The following PHLDB2 variants were observed in gnomAD, a reference collection of about 807,000 sequenced individuals.
PHLDB2 encodes the protein pleckstrin homology like domain family B member 2.
In PHLDB2, 71 loss-of-function variants were observed where a neutral mutation model predicts 123.6. The ratio of observed to expected loss-of-function variants is 0.57; its 90% CI spans 0.47 to 0.70. PHLDB2 has a LOEUF of 0.70. PHLDB2 is among the 30% of genes least tolerant of loss of function. The pLI, the probability that PHLDB2 is intolerant of heterozygous loss-of-function variation, is 0.00. For missense variants in PHLDB2, 1,446 were observed against 1,519.5 expected (o/e 0.95, Z 0.80); for synonymous variants, 547 against 541.6 (o/e 1.01, Z -0.14).
At chr3:111,804,905 C>T (rs1254025249) in intron 1 of PHLDB2, among the ~76,000 whole-genome samples, 3 of 151,932 alleles carry the variant, frequency 2.0e-5, no homozygotes, top group Non-Finnish European at 2.9e-5. Flanking sequence ...AACAATAGAA[C>T]AATATCAAGT....
At chr3:111,821,734 A>G (rs2062393808) in intron 1 of PHLDB2, among the ~76,000 whole-genome samples, 1 of 152,224 alleles carries the variant, frequency 6.6e-6, no homozygotes, top group Non-Finnish European at 1.5e-5. Context: ...AAAATTAACC[A>G]TCACCAGCTC....
At chr3:111,767,340 G>A (rs558698252) in intron 1 of PHLDB2, among the ~76,000 whole-genome samples, 2 of 152,310 alleles carry the variant, frequency 1.3e-5, no homozygotes, top group African/African-American at 2.4e-5. Flanking sequence ...AACCCTTCAT[G>A]TCAGTGAAAA....
intron 1 of PHLDB2, among the ~76,000 whole-genome samples, chr3:111,818,854 G>A (rs924427744): frequency 6.6e-6 from 1 of 151,916 alleles, no homozygotes; most frequent in Non-Finnish European, 1.5e-5. Flanking sequence ...CCTCAAGGTT[G>A]GTTTCATTCC....
Position 111,779,860 on chromosome 3 carries a change from T to C in PHLDB2, c.-49+47157T>C, listed in dbSNP as rs150795861. ...TCTCTGGCCATCCTCTATATGGAAA[T>C]ACTTAGGGTAAGTAGTCAATCAGCC... On this transcript the variant is annotated intron_variant, in intron 1 of 17. Coordinates refer to the PHLDB2 transcript ENST00000393923. 393 of 984,518 alleles carry C rather than the reference T, an allele frequency of 4.0e-4. 1 individual carries two copies. In the African/African-American group the frequency reaches 6.3e-3, roughly 16 times the overall value. The allele number at this position is 984,518 out of a possible 1,614,324, so 61.0% of individuals were successfully genotyped here.
intron 15 of PHLDB2, among the ~76,000 whole-genome samples, chr3:111,969,167 C>T (rs1017901387): frequency 5.9e-5 from 9 of 152,164 alleles, no homozygotes; most frequent in South Asian, 2.1e-4. Flanking sequence ...AAATCTCTGC[C>T]TTCAATTTCT....
Position 111,939,371 on chromosome 3 carries a change from C to T in PHLDB2, c.2131-104C>T, listed in dbSNP as rs933538226. ...GTTCTAACCCTGGTCAATATTGTAA[C>T]TGGAAAGATATCTTGGACCAACTGC... On this transcript the variant is annotated intron_variant, in intron 6 of 17. Coordinates refer to ENST00000431670, the MANE Select transcript of PHLDB2 (RefSeq NM_001134438.2). 2.3e-5 allele frequency: 27 copies of T among 1,194,114 alleles called. No homozygotes were observed. The East Asian group carries it at 5.7e-4, about 25-fold the overall frequency. 74.0% of individuals were successfully genotyped at this position (1,194,114 alleles called of 1,614,324 possible). A position where few individuals can be genotyped will look rare whatever the true frequency, so the allele number is the denominator to read the frequency against.
In PHLDB2 at chr3:111,945,160, G is replaced by A. The variant is rs190099661; in HGVS notation, c.2398-108G>A. Reference sequence around the variant, plus strand: ...GAGTATGATGAGAGGAAATAGAAATGGGGGAAATATGTGAGAATCTGATGT... The same window carrying A: ...GAGTATGATGAGAGGAAATAGAAATAGGGGAAATATGTGAGAATCTGATGT... On this transcript the variant is annotated intron_variant, in intron 8 of 17. Transcript: ENST00000431670. 1,251 of 747,854 alleles carry A rather than the reference G, an allele frequency of 1.7e-3. 13 individuals are homozygous for A. The highest frequency in any genetic ancestry group is 0.012 in the South Asian group (674 of 57,824). The allele number at this position is 747,854 out of a possible 1,614,324, so 46.3% of individuals were successfully genotyped here.
intron 1 of PHLDB2, among the ~76,000 whole-genome samples, chr3:111,870,164 A>G (rs767536019): frequency 2.6e-5 from 4 of 152,308 alleles, no homozygotes; most frequent in Middle Eastern, 3.4e-3. Context: ...CTAAGGAGAC[A>G]GGTATTGAGA....
chr3:111,889,831 C>T (rs1458964302), intron 2 of PHLDB2, among the ~76,000 whole-genome samples: 3 of 152,082 alleles, frequency 2.0e-5, no homozygotes, highest in African/African-American at 7.2e-5. Flanking sequence ...GAACAGTAGG[C>T]CTTCTCTGTT....
intron 1 of PHLDB2, among the ~76,000 whole-genome samples, chr3:111,780,382 G>C (rs1299127433): frequency 6.7e-5 from 3 of 44,674 alleles, no homozygotes; most frequent in Admixed American, 5.9e-4. Flanking sequence ...AGAAGAAGAA[G>C]AAGAAGAAGA....
At chr3:111,746,694 A>G (rs1244206947) in intron 1 of PHLDB2, among the ~76,000 whole-genome samples, 1 of 152,200 alleles carries the variant, frequency 6.6e-6, no homozygotes, top group East Asian at 1.9e-4. Context: ...GAGTTCTTCC[A>G]GGAGTTCAAG....
intron 1 of PHLDB2, among the ~76,000 whole-genome samples, chr3:111,828,369 GTCTA>G (rs1230133740): frequency 2.6e-5 from 4 of 152,184 alleles, no homozygotes; most frequent in Non-Finnish European, 2.9e-5. Context: ...GGAACTTCCA[GTCTA>G]TCTGTCAATG....
chr3:111,866,014 A>ATTTTTTTTTTTT lies in PHLDB2; in HGVS notation c.-15+6451_-15+6462dup, dbSNP rs61038523. Among the ~76,000 whole-genome samples, 417 of 57,408 alleles carry ATTTTTTTTTTTT rather than the reference A, an allele frequency of 7.3e-3. 75 individuals are homozygous for ATTTTTTTTTTTT. Among genetic ancestry groups the ATTTTTTTTTTTT allele is most frequent in the African/African-American group, 0.013 (186 of 14,590 alleles). 37.7% of individuals were successfully genotyped at this position (57,408 alleles called of 152,430 possible). ...TTTTAGAAACCTACCCCACCCACTC[A>ATTTTTTTTTTTT]TTTTTTTTTTTTTTTTTTTTTTTTG... On this transcript the variant is annotated intron_variant, in intron 1 of 17. Coordinates refer to ENST00000431670, the MANE Select transcript of PHLDB2 (RefSeq NM_001134438.2).
intron 2 of PHLDB2, among the ~76,000 whole-genome samples, chr3:111,853,496 G>A (rs2064349447): frequency 6.6e-6 from 1 of 152,194 alleles, no homozygotes; most frequent in Admixed American, 6.5e-5. Flanking sequence ...GGCAAACGTG[G>A]TTGGAAACTA....
intron 1 of PHLDB2, among the ~76,000 whole-genome samples, chr3:111,842,815 A>G (rs1576850958): frequency 6.6e-6 from 1 of 152,196 alleles, no homozygotes; most frequent in East Asian, 1.9e-4. Flanking sequence ...CTGTCTCTAT[A>G]GATTTAACTA....
Position 111,949,087 on chromosome 3 carries a change from T to C in PHLDB2, c.2631+12T>C. ...CACAGAGTAAAGAGGTGTGTAGGCA[T>C]GACGTTTCATTCATTCACTGCTTTT... On this transcript the variant is annotated intron_variant, in intron 10 of 17. Coordinates refer to ENST00000431670, the MANE Select transcript of PHLDB2 (RefSeq NM_001134438.2). 1 of 1,612,750 alleles carries C rather than the reference T, an allele frequency of 6.2e-7. No homozygotes were observed.
intron 12 of PHLDB2, among the ~76,000 whole-genome samples, chr3:111,955,041 T>C (rs1037229169): frequency 9.3e-5 from 14 of 149,930 alleles, no homozygotes; most frequent in African/African-American, 1.7e-4. Context: ...AATATATATA[T>C]ACACACACAC....
At chr3:111,765,726 T>C (rs1284578434) in intron 1 of PHLDB2, among the ~76,000 whole-genome samples, 1 of 152,202 alleles carries the variant, frequency 6.6e-6, no homozygotes, top group Admixed American at 6.5e-5. Context: ...GAAGTGAAGA[T>C]TGGAACTAGG....
chr3:111,866,511 A>G (rs1172939484), intron 1 of PHLDB2, among the ~76,000 whole-genome samples: 1 of 151,810 alleles, frequency 6.6e-6, no homozygotes, highest in Non-Finnish European at 1.5e-5. Flanking sequence ...ATTAAATATT[A>G]CTCTTAAGGG....
Sources: allele counts gnomAD v4.1 joint callset (sites outside exome capture counted in the v4.1 genomes callset), GRCh38; gene constraint gnomAD v4.1.1; transcripts MANE v1.5; gene names NCBI Gene and HGNC (gene_info 2026-07-23, HGNC 2026-07-21).